The following SBNO1 variants were observed in gnomAD, a reference collection of about 807,000 sequenced individuals.
SBNO1 encodes strawberry notch homolog 1, also known as protein strawberry notch homolog 1.
SBNO1 carries 23 observed loss-of-function variants against 173.6 expected under a neutral mutation model. The observed-to-expected ratio is 0.13, with a 90% CI of 0.10 to 0.19. The LOEUF (loss-of-function observed/expected upper bound fraction) is 0.19, where lower values mean the gene tolerates loss of function less well. SBNO1 is among the 10% of genes least tolerant of loss of function. SBNO1 has a pLI of 1.00. For synonymous variants in SBNO1, 632 were observed against 571.5 expected (o/e 1.11, Z -1.51); for missense variants, 1,238 against 1,671.2 (o/e 0.74, Z 4.52).
intron 2 of SBNO1, among the ~76,000 whole-genome samples, chr12:123,349,793 T>G (rs887994677): frequency 2.6e-5 from 4 of 152,004 alleles, no homozygotes; most frequent in Admixed American, 1.3e-4. Flanking sequence ...CCCATGCCTG[T>G]AATCCCAACT....
chr12:123,317,118 G>A (rs1435347158), intron 21 of SBNO1, 103 bp downstream of exon 21: 7 of 1,211,434 alleles, frequency 5.8e-6, no homozygotes, highest in South Asian at 1.3e-5. Context: ...AATTACAGGC[G>A]TGAGCCTCTG....
chr12:123,319,004 C>T (rs1428519225), intron 20 of SBNO1, among the ~76,000 whole-genome samples: 1 of 149,822 alleles, frequency 6.7e-6, no homozygotes. Context: ...CACTCTGCTG[C>T]CCAGGTGGAA....
chr12:123,364,786 G>C lies in SBNO1; in HGVS notation c.-86C>G. 2 of 987,744 alleles carry C rather than the reference G, an allele frequency of 2.0e-6. No homozygotes were observed. Among genetic ancestry groups the C allele is most frequent in the Admixed American group, 6.2e-5 (1 of 16,100 alleles). 61.2% of individuals were successfully genotyped at this position (987,744 alleles called of 1,614,324 possible). Reference sequence around the variant, plus strand: ...AGAGGCGACTGGAGCGGAGGCGGCGGTGGCGGCGGCAGCAGCGGCGTCCTG... The same window carrying C: ...AGAGGCGACTGGAGCGGAGGCGGCGCTGGCGGCGGCAGCAGCGGCGTCCTG... On this transcript the variant is annotated 5_prime_UTR_variant, in exon 1 of 32. Transcript: ENST00000602398.
intron 28 of SBNO1, among the ~76,000 whole-genome samples, chr12:123,307,229 C>G (rs530072462): frequency 6.6e-6 from 1 of 151,988 alleles, no homozygotes; most frequent in South Asian, 2.1e-4. Context: ...AACCCCAACT[C>G]AACTAGGAGC....
chr12:123,354,451 G>A (rs979846307), intron 1 of SBNO1, among the ~76,000 whole-genome samples: 3 of 151,934 alleles, frequency 2.0e-5, no homozygotes, highest in South Asian at 2.1e-4. Flanking sequence ...TCAGCCAAAC[G>A]GGCACAAATT....
rs1367316745 is a variant in SBNO1 at position 123,289,117 on chromosome 12, A to G, written c.*6791T>C. On this transcript the variant is annotated 3_prime_UTR_variant, in exon 32 of 32. Transcript: ENST00000602398. Reference sequence around the variant, plus strand: ...AAAGAAAGCACAACCCGTGACTCGTATTTAATTTATTTAGAATCTTACAAA... The same window carrying G: ...AAAGAAAGCACAACCCGTGACTCGTGTTTAATTTATTTAGAATCTTACAAA... The G allele has an allele frequency of 6.6e-6, 1 of 152,094 alleles. No homozygotes were observed. 9.4% of individuals were successfully genotyped at this position (152,094 alleles called of 1,614,324 possible). A position where few individuals can be genotyped will look rare whatever the true frequency, so the allele number is the denominator to read the frequency against.
chr12:123,312,276 A>C (rs1868672761), intron 24 of SBNO1, among the ~76,000 whole-genome samples: 1 of 152,118 alleles, frequency 6.6e-6, no homozygotes, highest in Non-Finnish European at 1.5e-5. Context: ...TGTCAAAAGG[A>C]GTGAAGGTGT....
chr12:123,356,044 A>C (rs557085359), intron 1 of SBNO1, among the ~76,000 whole-genome samples: 1 of 152,292 alleles, frequency 6.6e-6, no homozygotes, highest in East Asian at 1.9e-4. Flanking sequence ...CAATCTCTAC[A>C]GCTCTGAGCA....
Position 123,317,205 on chromosome 12 carries a change from G to A in SBNO1, c.2935+16C>T. 1 of 1,613,260 alleles carries A rather than the reference G, an allele frequency of 6.2e-7. No individual in the cohort carries two copies. Among genetic ancestry groups the A allele is most frequent in the Non-Finnish European group, 8.5e-7 (1 of 1,179,398 alleles). On this transcript the variant is annotated intron_variant, in intron 21 of 31. Coordinates refer to ENST00000602398, the MANE Select transcript of SBNO1 (RefSeq NM_001167856.3). ...CTAGCTATCCATTAAGTGAAATCCAGTTTGTAGGAACTTACCGAACTGTTG... is the reference window on the plus strand; with the variant it reads ...CTAGCTATCCATTAAGTGAAATCCAATTTGTAGGAACTTACCGAACTGTTG...
Position 123,294,986 on chromosome 12 carries a change from G to C in SBNO1, c.*922C>G, listed in dbSNP as rs1170978413. ...GAGTGACAAAGCAAATTAAGATAAT[G>C]AAGTAAAAAACGATTGTTTGCAAGA... On this transcript the variant is annotated 3_prime_UTR_variant, in exon 32 of 32. Coordinates refer to ENST00000602398, the MANE Select transcript of SBNO1 (RefSeq NM_001167856.3). The C allele has an allele frequency of 6.6e-6, 1 of 152,152 alleles. No homozygotes were observed. The highest frequency in any genetic ancestry group is 1.5e-5 in the Non-Finnish European group (1 of 68,036). 9.4% of individuals were successfully genotyped at this position (152,152 alleles called of 1,614,324 possible).
At chr12:123,309,076 A>T (rs1593336639) in intron 28 of SBNO1, among the ~76,000 whole-genome samples, 2 of 100,400 alleles carry the variant, frequency 2.0e-5, no homozygotes, top group South Asian at 7.0e-4. Context: ...TGTCTCAGAA[A>T]GAAAAAAAAA....
chr12:123,349,257 G>A (rs1022596969), intron 2 of SBNO1, among the ~76,000 whole-genome samples: 4 of 151,924 alleles, frequency 2.6e-5, no homozygotes, highest in East Asian at 3.9e-4. Context: ...ACACAACCAC[G>A]GCCACCTAAT....
intron 26 of SBNO1, 52 bp from the exon 27 acceptor site, chr12:123,309,635 T>TA: frequency 6.3e-7 from 1 of 1,598,272 alleles, no homozygotes; most frequent in Non-Finnish European, 8.6e-7. Flanking sequence ...TTTTATCAGG[T>TA]ACACACGTTT....
At chr12:123,338,881 CACACACACCCCG>C (rs1487760002) in intron 5 of SBNO1, among the ~76,000 whole-genome samples, 955 of 3,794 alleles carry the variant, frequency 0.25, 12 homozygotes, top group South Asian at 0.42. Flanking sequence ...AACACACACA[CACACACACCCCG>C]ACACACACAC....
intron 1 of SBNO1, among the ~76,000 whole-genome samples, chr12:123,357,423 TG>T (rs1874587480): frequency 6.6e-6 from 1 of 151,756 alleles, no homozygotes; most frequent in Non-Finnish European, 1.5e-5. Context: ...CACTCCAGCC[TG>T]GGCGACAGAG....
At chr12:123,333,217 GGCTATTT>G (rs1871424597) in intron 7 of SBNO1, among the ~76,000 whole-genome samples, 1 of 152,106 alleles carries the variant, frequency 6.6e-6, no homozygotes, top group African/African-American at 2.4e-5. Context: ...GAGGATAAAT[GGCTATTT>G]TGGTCATTAC....
intron 24 of SBNO1, 63 bp from the exon 25 acceptor site, chr12:123,311,192 G>C: frequency 8.4e-7 from 1 of 1,188,800 alleles, no homozygotes; most frequent in Non-Finnish European, 1.3e-6. Flanking sequence ...GTACCACTAA[G>C]TGAGAAAAGT....
intron 23 of SBNO1, among the ~76,000 whole-genome samples, chr12:123,314,467 C>CT (rs1383542919): frequency 6.6e-6 from 1 of 151,762 alleles, no homozygotes; most frequent in Non-Finnish European, 1.5e-5. Context: ...GTAGCTAGGA[C>CT]TACAGGCGCA....
At chr12:123,310,616 C>A (rs2049028996) in intron 25 of SBNO1, among the ~76,000 whole-genome samples, 1 of 151,946 alleles carries the variant, frequency 6.6e-6, no homozygotes, top group Non-Finnish European at 1.5e-5. Context: ...CTCACTGCAA[C>A]CTCTGCCTCG....
Sources: allele counts gnomAD v4.1 joint callset (sites outside exome capture counted in the v4.1 genomes callset), GRCh38; gene constraint gnomAD v4.1.1; transcripts MANE v1.5; gene names NCBI Gene and HGNC (gene_info 2026-07-23, HGNC 2026-07-21).